Variants in LRRTM4 observed in about 807,000 individuals in gnomAD.
LRRTM4 encodes leucine-rich repeat transmembrane neuronal protein 4.
In LRRTM4, 25 loss-of-function variants were observed where a neutral mutation model predicts 47.6. The observed-to-expected ratio is 0.53, with a 90% CI of 0.38 to 0.73. The LOEUF (loss-of-function observed/expected upper bound fraction) is 0.73, where lower values mean the gene tolerates loss of function less well. LRRTM4 is among the 30% of genes least tolerant of loss of function. LRRTM4 has a pLI of 0.00. For missense variants in LRRTM4, 638 were observed against 713.4 expected (o/e 0.89, Z 1.20); for synonymous variants, 311 against 269.5 (o/e 1.15, Z -1.51).
intron 3 of LRRTM4, among the ~76,000 whole-genome samples, chr2:77,436,061 T>C (rs550045056): frequency 5.9e-5 from 9 of 152,258 alleles, no homozygotes; most frequent in African/African-American, 1.9e-4. Context: ...GAAATATATA[T>C]GAATAGGAGA....
At chr2:77,119,881 T>C (rs1350921048) in intron 3 of LRRTM4, among the ~76,000 whole-genome samples, 1 of 151,834 alleles carries the variant, frequency 6.6e-6, no homozygotes, top group Non-Finnish European at 1.5e-5. Flanking sequence ...TTAATTGGTC[T>C]AGGATGTATT....
intron 3 of LRRTM4, among the ~76,000 whole-genome samples, chr2:77,430,815 T>C (rs989656410): frequency 7.4e-5 from 11 of 147,968 alleles, no homozygotes; most frequent in African/African-American, 2.9e-4. Context: ...TGAAGGTGTT[T>C]CCAGAAGATA....
intron 3 of LRRTM4, among the ~76,000 whole-genome samples, chr2:77,072,595 C>T (rs566256072): frequency 9.2e-5 from 14 of 151,934 alleles, no homozygotes; most frequent in African/African-American, 3.1e-4. Flanking sequence ...GTCAGAAGTT[C>T]GAGACCAGCC....
chr2:76,927,524 G>A (rs1674626016), intron 3 of LRRTM4, among the ~76,000 whole-genome samples: 1 of 152,098 alleles, frequency 6.6e-6, no homozygotes, highest in Non-Finnish European at 1.5e-5. Context: ...GGTTCTCGGA[G>A]CTACTGCCTT....
chr2:77,362,177 G>A (rs1187711226), intron 3 of LRRTM4, among the ~76,000 whole-genome samples: 4 of 151,588 alleles, frequency 2.6e-5, no homozygotes, highest in Non-Finnish European at 5.9e-5. Flanking sequence ...AAGAAAGGAA[G>A]GAAGGAAGAG....
chr2:76,858,137 T>G (rs550045106), intron 3 of LRRTM4, among the ~76,000 whole-genome samples: 1 of 152,290 alleles, frequency 6.6e-6, no homozygotes, highest in East Asian at 1.9e-4. Flanking sequence ...GATGCCCAAA[T>G]ATTTGGTTAA....
rs188035180 is a variant in LRRTM4 at position 77,076,149 on chromosome 2, G to A, written c.1552-327233C>T. ...TGAAGAGAAAGATGCTGCAGCTAGG[G>A]AAAACATTAATTAAAAGCCCATCTA... On this transcript the variant is annotated intron_variant, in intron 3 of 3. Transcript: ENST00000409884. Among the ~76,000 whole-genome samples, 1,178 of 152,104 alleles carry A rather than the reference G, an allele frequency of 7.7e-3. 5 individuals carry two copies. Among genetic ancestry groups the A allele is most frequent in the Non-Finnish European group, 0.014 (919 of 67,992 alleles).
At chr2:77,321,413 C>T (rs1423498345) in intron 3 of LRRTM4, among the ~76,000 whole-genome samples, 2 of 151,712 alleles carry the variant, frequency 1.3e-5, no homozygotes, top group African/African-American at 4.8e-5. Flanking sequence ...AACCAGAAGG[C>T]AATTGTGAGT....
intron 3 of LRRTM4, among the ~76,000 whole-genome samples, chr2:76,969,308 C>T (rs1040912011): frequency 6.6e-6 from 1 of 151,850 alleles, no homozygotes; most frequent in Non-Finnish European, 1.5e-5. Context: ...TTATCTATCT[C>T]ATTTTTTATT....
At chr2:77,177,295 A>G (rs1248535714) in intron 3 of LRRTM4, among the ~76,000 whole-genome samples, 1 of 152,174 alleles carries the variant, frequency 6.6e-6, no homozygotes, top group African/African-American at 2.4e-5. Flanking sequence ...TGACACTCGC[A>G]AGCCATAGTC....
intron 3 of LRRTM4, among the ~76,000 whole-genome samples, chr2:77,502,780 G>C (rs1163993649): frequency 6.6e-6 from 1 of 151,596 alleles, no homozygotes; most frequent in Non-Finnish European, 1.5e-5. Flanking sequence ...AGATGGGTGA[G>C]CAAGAGTAAA....
intron 3 of LRRTM4, among the ~76,000 whole-genome samples, chr2:77,438,616 C>T (rs756123663): frequency 6.6e-6 from 1 of 151,992 alleles, no homozygotes; most frequent in Non-Finnish European, 1.5e-5. Flanking sequence ...CCGTGTTAGC[C>T]AGGATGGTCT....
At chr2:77,000,163 A>T (rs948686109) in intron 3 of LRRTM4, among the ~76,000 whole-genome samples, 11 of 111,088 alleles carry the variant, frequency 9.9e-5, no homozygotes, top group African/African-American at 3.9e-4. Flanking sequence ...ATGTCCGTAG[A>T]TGGAAAGCAT....
intron 3 of LRRTM4, among the ~76,000 whole-genome samples, chr2:77,089,154 G>A (rs1015345330): frequency 1.3e-5 from 2 of 151,956 alleles, no homozygotes; most frequent in African/African-American, 2.4e-5. Context: ...CTGGGGAAGG[G>A]GCAAATACCC....
chr2:77,149,298 A>C, intron 3 of LRRTM4, among the ~76,000 whole-genome samples: 1 of 152,156 alleles, frequency 6.6e-6, no homozygotes, highest in East Asian at 1.9e-4. Context: ...TAAAATATTA[A>C]ATTTTATTTT....
chr2:77,321,794 T>A (rs1455882358), intron 3 of LRRTM4, among the ~76,000 whole-genome samples: 1 of 152,072 alleles, frequency 6.6e-6, no homozygotes, highest in Non-Finnish European at 1.5e-5. Context: ...TTTTGAGATT[T>A]CAAAAATATG....
chr2:76,984,679 A>G (rs1676732691), intron 3 of LRRTM4, among the ~76,000 whole-genome samples: 3 of 152,006 alleles, frequency 2.0e-5, no homozygotes, highest in African/African-American at 7.2e-5. Context: ...AAAACAACAG[A>G]AGCCTGAAAC....
intron 3 of LRRTM4, among the ~76,000 whole-genome samples, chr2:76,887,398 A>T (rs1326317942): frequency 7.9e-5 from 12 of 151,498 alleles, no homozygotes; most frequent in African/African-American, 2.7e-4. Context: ...ACCAAAAATA[A>T]ACCATGATAG....
At chr2:76,993,527 G>A (rs531154097) in intron 3 of LRRTM4, among the ~76,000 whole-genome samples, 12 of 151,864 alleles carry the variant, frequency 7.9e-5, no homozygotes, top group South Asian at 4.2e-4. Flanking sequence ...ACTAATAATC[G>A]GAGAAATGTG....
Sources: gnomAD v4.1 joint callset for allele counts (sites outside exome capture counted in the v4.1 genomes callset) on GRCh38, gnomAD v4.1.1 for gene constraint, MANE v1.5 for transcripts, NCBI Gene and HGNC (gene_info 2026-07-23, HGNC 2026-07-21) for gene names.